MYO1H: variants seen among roughly 807,000 people sequenced by gnomAD.
MYO1H encodes unconventional myosin-Ih.
Under a neutral mutation model 149.3 loss-of-function variants are expected in MYO1H, and 118 were observed. The ratio of observed to expected loss-of-function variants is 0.79; its 90% CI spans 0.68 to 0.92. The LOEUF (loss-of-function observed/expected upper bound fraction) is 0.92, where lower values mean the gene tolerates loss of function less well. Among genes scored for constraint, MYO1H ranks in the 40% least tolerant of loss-of-function variants. MYO1H has a pLI of 0.00. For synonymous variants in MYO1H, 447 were observed against 465.2 expected, an observed-to-expected ratio of 0.96 and a Z score of 0.50; for missense variants, 1,212 against 1,280.7, an observed-to-expected ratio of 0.95 and a Z score of 0.82.
At chr12:109,419,369 T>C (rs1403119070) in intron 15 of MYO1H, among the ~76,000 whole-genome samples, 2 of 152,146 alleles carry the variant, frequency 1.3e-5, no homozygotes, top group Non-Finnish European at 2.9e-5. Flanking sequence ...TGAGTTTTTC[T>C]ACTTCTCTGT....
chr12:109,415,356 T>G (rs1870856676), intron 14 of MYO1H, among the ~76,000 whole-genome samples, 170 bp from the exon 15 acceptor site: 1 of 152,100 alleles, frequency 6.6e-6, no homozygotes, highest in African/African-American at 2.4e-5. Flanking sequence ...CTGCCTGTAA[T>G]CTCAGCTACT....
chr12:109,433,368 C>T (rs1250901715), intron 20 of MYO1H, among the ~76,000 whole-genome samples: 2 of 152,146 alleles, frequency 1.3e-5, no homozygotes, highest in African/African-American at 4.8e-5. Context: ...CTACTGGGAC[C>T]TAGACAATGT....
At chr12:109,341,451 G>A in the MYO1H span, among the ~76,000 whole-genome samples, 1 of 152,100 alleles carries the variant, frequency 6.6e-6, no homozygotes, top group East Asian at 1.9e-4. Flanking sequence ...AATAAATGAA[G>A]ACCAACAAAA....
At chr12:109,418,541 G>A (rs963891304) in intron 15 of MYO1H, among the ~76,000 whole-genome samples, 1 of 151,264 alleles carries the variant, frequency 6.6e-6, no homozygotes, top group Admixed American at 6.6e-5. Flanking sequence ...GTAGAGACAG[G>A]GTTTTGTTTT....
At chr12:109,440,800 C>T (rs1872087567) in exon 25 of MYO1H, 5 of 1,544,644 alleles carry the variant, frequency 3.2e-6, no homozygotes, top group East Asian at 5.0e-5. Context: ...AGTACTGCCG[C>T]GGGATCACAG....
chr12:109,388,668 T>C lies in MYO1H; in HGVS notation c.13-15T>C. 1 of 1,538,586 alleles carries C rather than the reference T, an allele frequency of 6.5e-7. No homozygotes were observed. The highest frequency in any genetic ancestry group is 8.8e-7 in the Non-Finnish European group (1 of 1,138,000). ...CAAATAGATGAGCTGCTGAAGAATG[T>C]TCTATTTCCCGTAGAAAGAAGACGT... On this transcript the variant is annotated splice_polypyrimidine_tract_variant and intron_variant, in intron 1 of 31. Coordinates refer to ENST00000310903, the Ensembl canonical transcript of MYO1H.
At chr12:109,339,183 G>A in the MYO1H span, among the ~76,000 whole-genome samples, 6 of 152,154 alleles carry the variant, frequency 3.9e-5, no homozygotes, top group African/African-American at 1.2e-4. Context: ...TGGCCAACAT[G>A]GTGAAACACT....
At chr12:109,404,116 T>C (rs1275472742) in intron 7 of MYO1H, 36 bp downstream of exon 7, 3 of 1,470,928 alleles carry the variant, frequency 2.0e-6, no homozygotes, top group Non-Finnish European at 2.8e-6. Context: ...TAGTTCCCCC[T>C]GGGACTGAGG....
upstream of MYO1H, among the ~76,000 whole-genome samples, chr12:109,345,464 G>A (rs185694447): frequency 3.0e-4 from 46 of 152,222 alleles, no homozygotes; most frequent in Admixed American, 2.7e-3. Flanking sequence ...AATAACAGGT[G>A]TTGGCAAGAA....
intron 15 of MYO1H, among the ~76,000 whole-genome samples, chr12:109,417,112 A>C (rs1870946012): frequency 6.6e-6 from 1 of 152,016 alleles, no homozygotes. Context: ...CAGAGGTTGC[A>C]GTGAGCTGAG....
intron 7 of MYO1H, among the ~76,000 whole-genome samples, chr12:109,405,675 T>C (rs997970969): frequency 6.6e-6 from 1 of 152,246 alleles, no homozygotes; most frequent in African/African-American, 2.4e-5. Flanking sequence ...TGTTGTTATA[T>C]GAAAATAAAG....
intron 15 of MYO1H, among the ~76,000 whole-genome samples, chr12:109,417,824 T>TG (rs1301039696): frequency 7.5e-6 from 1 of 133,370 alleles, no homozygotes; most frequent in African/African-American, 3.5e-5. Flanking sequence ...TGTTTTGTTT[T>TG]GTTTTTTTTG....
chr12:109,343,129 T>C (rs1014356014), upstream of MYO1H, among the ~76,000 whole-genome samples: 38 of 152,158 alleles, frequency 2.5e-4, no homozygotes, highest in African/African-American at 8.9e-4. Flanking sequence ...TCATGATTTA[T>C]TTCTAGTCTA....
At chr12:109,425,684 TCAC>T (rs1871327764) in intron 17 of MYO1H, among the ~76,000 whole-genome samples, 1 of 152,168 alleles carries the variant, frequency 6.6e-6, no homozygotes, top group Non-Finnish European at 1.5e-5. Context: ...TGCTGGGCAC[TCAC>T]CACGTCTTTG....
Position 109,442,245 on chromosome 12 carries a change from TC to T in MYO1H, c.2662del (p.Gln888SerfsTer2). On this transcript the variant is annotated frameshift_variant, in exon 27 of 32. Transcript: ENST00000310903. LOFTEE classifies it high-confidence loss of function. ...AAGGAGACATTAATCCGAAAGTGCT[TC>T]AGCTAATTAGCCATGAGAAAATCCA... 1.2e-6 allele frequency: 2 copies of T among 1,613,942 alleles called. No homozygotes were observed. Among genetic ancestry groups the T allele is most frequent in the Non-Finnish European group, 1.7e-6 (2 of 1,179,838 alleles).
exon 7 of MYO1H, chr12:109,404,058 A>G: frequency 1.2e-6 from 2 of 1,613,570 alleles, no homozygotes; most frequent in Non-Finnish European, 1.7e-6. Context: ...TCTGTCATTG[A>G]TTTTACTGAA....
intron 31 of MYO1H, chr12:109,446,139 A>T (rs917319824): frequency 1.3e-5 from 13 of 985,358 alleles, no homozygotes; most frequent in Admixed American, 1.2e-4. Context: ...GCCCATGTTA[A>T]TACCTTTGGT....
At chr12:109,320,809 G>A in the MYO1H span, among the ~76,000 whole-genome samples, 2 of 152,076 alleles carry the variant, frequency 1.3e-5, no homozygotes, top group Non-Finnish European at 2.9e-5. Context: ...AAGATCCTCG[G>A]CTGGGCGTGG....
rs1365122330 is a variant in MYO1H at position 109,426,776 on chromosome 12, A to ATCAGAGGCTC, written c.1832-692_1832-683dup. Among the ~76,000 whole-genome samples, 5 of 152,322 alleles carry ATCAGAGGCTC rather than the reference A, an allele frequency of 3.3e-5. No homozygotes were observed. In the East Asian group the frequency reaches 9.7e-4, roughly 29 times the overall value. On this transcript the variant is annotated intron_variant, in intron 18 of 31. Coordinates refer to ENST00000310903, the Ensembl canonical transcript of MYO1H. ...CCATTATAATGAACTATAATGGACC[A>ATCAGAGGCTC]TCAGAGGCTCACAGAGGCTAGGCAG... is the stretch of plus-strand genomic sequence containing the variant.
Sources: allele counts gnomAD v4.1 joint callset (sites outside exome capture counted in the v4.1 genomes callset), GRCh38; gene constraint gnomAD v4.1.1; transcripts MANE v1.5; gene names NCBI Gene and HGNC (gene_info 2026-07-23, HGNC 2026-07-21).